The following EDA variants were observed in gnomAD, a reference collection of about 807,000 sequenced individuals.
EDA encodes ectodysplasin A.
Under a neutral mutation model 23.6 loss-of-function variants are expected in EDA, and 2 were observed. The observed-to-expected ratio is 0.08, with a 90% CI of 0.03 to 0.27. The LOEUF (loss-of-function observed/expected upper bound fraction) is 0.27. EDA is among the 10% of genes least tolerant of loss of function. The probability of loss-of-function intolerance (pLI) is 1.00; values close to 1 mark genes in which losing one functional copy is unlikely to be tolerated. For missense variants in EDA, 229 were observed against 324.2 expected (o/e 0.71, Z 2.26); for synonymous variants, 131 against 132.0 (o/e 0.99, Z 0.05).
At chrX:69,871,155 C>A (rs1452438908) in intron 1 of EDA, among the ~76,000 whole-genome samples, 1 of 111,398 alleles carries the variant, frequency 9.0e-6, no homozygotes, top group Admixed American at 9.6e-5. Context: ...GTTCTCCATA[C>A]TATTAGAAGT....
At chrX:69,857,680 G>C (rs1323063819) in intron 1 of EDA, among the ~76,000 whole-genome samples, 1 of 111,070 alleles carries the variant, frequency 9.0e-6, no homozygotes, top group Admixed American at 9.6e-5. Context: ...CTATCGATGA[G>C]CATTGGATGT....
At chrX:69,883,825 G>T (rs995921487) in intron 1 of EDA, among the ~76,000 whole-genome samples, 1 of 111,330 alleles carries the variant, frequency 9.0e-6, no homozygotes, top group African/African-American at 3.3e-5. Context: ...GGCCAGGTGT[G>T]GTGGCTCATG....
chrX:69,637,198 A>G (rs888081542), intron 1 of EDA, among the ~76,000 whole-genome samples: 8 of 111,907 alleles, frequency 7.1e-5, no homozygotes, highest in African/African-American at 1.9e-4. Flanking sequence ...GTATACTTCA[A>G]TATAGAGAAG....
intron 1 of EDA, among the ~76,000 whole-genome samples, chrX:69,690,248 G>A (rs1934673908): frequency 9.0e-6 from 1 of 111,716 alleles, no homozygotes. Flanking sequence ...AAAATATTCA[G>A]TTATCACTTA....
intron 1 of EDA, among the ~76,000 whole-genome samples, chrX:69,697,763 TG>T (rs2011399203): frequency 8.9e-6 from 1 of 112,222 alleles, no homozygotes; most frequent in Non-Finnish European, 1.9e-5. Context: ...GAAGGTTTGT[TG>T]GGTCCCACCC....
At chrX:69,703,572 C>CCAAATGAG (rs1256849681) in intron 1 of EDA, among the ~76,000 whole-genome samples, 3 of 112,211 alleles carry the variant, frequency 2.7e-5, no homozygotes, top group African/African-American at 9.7e-5. Flanking sequence ...GGCGTCAGCA[C>CCAAATGAG]CAAATGAGGC....
At chrX:70,000,825 A>G (rs896593045) in intron 2 of EDA, among the ~76,000 whole-genome samples, 1 of 112,206 alleles carries the variant, frequency 8.9e-6, no homozygotes, top group African/African-American at 3.2e-5. Context: ...CTTACTAAGT[A>G]GTGGAGCTGG....
At chrX:69,931,875 A>G (rs752655519) in intron 1 of EDA, among the ~76,000 whole-genome samples, 2 of 112,277 alleles carry the variant, frequency 1.8e-5, no homozygotes, top group East Asian at 5.6e-4. Context: ...GCGTATGTCC[A>G]CACAAAGACT....
At chrX:69,708,429 G>C (rs1434228830) in intron 1 of EDA, among the ~76,000 whole-genome samples, 1 of 111,076 alleles carries the variant, frequency 9.0e-6, no homozygotes, top group Non-Finnish European at 1.9e-5. Context: ...TATGTACGTA[G>C]GTTTTAGTTC....
chrX:69,881,245 AGGGG>A (rs1372725675), intron 1 of EDA, among the ~76,000 whole-genome samples: 1 of 109,498 alleles, frequency 9.1e-6, no homozygotes, highest in Non-Finnish European at 1.9e-5. Flanking sequence ...GAGGTTGGGC[AGGGG>A]GCTTCCTTCC....
chrX:69,812,745 T>C (rs1018854632), intron 1 of EDA, among the ~76,000 whole-genome samples: 1 of 111,661 alleles, frequency 9.0e-6, no homozygotes, highest in Non-Finnish European at 1.9e-5. Flanking sequence ...AGAACAACCA[T>C]GTTAAAGTAC....
intron 1 of EDA, among the ~76,000 whole-genome samples, chrX:69,642,120 G>A (rs1411705258): frequency 4.5e-5 from 5 of 110,716 alleles, no homozygotes; most frequent in Non-Finnish European, 7.6e-5. Context: ...AGGAGGAAGA[G>A]GAGGAGGAGG....
At chrX:69,707,431 T>C (rs752515602) in intron 1 of EDA, among the ~76,000 whole-genome samples, 1 of 112,147 alleles carries the variant, frequency 8.9e-6, no homozygotes, top group African/African-American at 3.2e-5. Flanking sequence ...TCAGATGTCT[T>C]GTATAAAAAC....
chrX:69,920,617 TA>T (rs771384904), intron 1 of EDA, among the ~76,000 whole-genome samples: 33 of 111,428 alleles, frequency 3.0e-4, no homozygotes, highest in Non-Finnish European at 5.5e-4. Flanking sequence ...GAAGGAAGAC[TA>T]CAGAGGTAAA....
chrX:69,791,096 G>A (rs939463718), intron 1 of EDA, among the ~76,000 whole-genome samples: 1 of 111,350 alleles, frequency 9.0e-6, no homozygotes, highest in Non-Finnish European at 1.9e-5. Flanking sequence ...AGATTAGTAT[G>A]ATGGAATGGA....
chrX:69,655,942 T>G (rs1284122156), intron 1 of EDA, among the ~76,000 whole-genome samples: 1 of 106,660 alleles, frequency 9.4e-6, no homozygotes, highest in Non-Finnish European at 1.9e-5. Context: ...TCACTGTCAC[T>G]TAGGTGATAA....
intron 2 of EDA, among the ~76,000 whole-genome samples, chrX:70,010,541 T>G: frequency 8.9e-6 from 1 of 112,032 alleles, no homozygotes; most frequent in Non-Finnish European, 1.9e-5. Context: ...TAGTTGGGTC[T>G]TGTTTCTTCA....
At chrX:69,681,111 G>A (rs1934329612) in intron 1 of EDA, among the ~76,000 whole-genome samples, 1 of 110,956 alleles carries the variant, frequency 9.0e-6, no homozygotes, top group African/African-American at 3.3e-5. Flanking sequence ...GAAATTCTGG[G>A]TTGAAGATTC....
At chrX:69,686,028 G>A (rs1371503655) in intron 1 of EDA, among the ~76,000 whole-genome samples, 1 of 111,830 alleles carries the variant, frequency 8.9e-6, no homozygotes, top group Non-Finnish European at 1.9e-5. Flanking sequence ...TTTGTTTTGA[G>A]ACAGAGTCTT....
Sources: gnomAD v4.1 joint callset for allele counts (sites outside exome capture counted in the v4.1 genomes callset) on GRCh38, gnomAD v4.1.1 for gene constraint, MANE v1.5 for transcripts, NCBI Gene and HGNC (gene_info 2026-07-23, HGNC 2026-07-21) for gene names.